The following BMAL1 variants were observed in gnomAD, a reference collection of about 807,000 sequenced individuals.
BMAL1 encodes the protein basic helix-loop-helix ARNT-like protein 1.
chr11:13,292,526 G>A, the BMAL1 span, among the ~76,000 whole-genome samples: 10 of 148,294 alleles, frequency 6.7e-5, no homozygotes, highest in South Asian at 8.6e-4. Flanking sequence ...CAGCCTGGGC[G>A]ACAGAGCGAG....
chr11:13,376,726 A>G, the BMAL1 span: 20 of 1,613,256 alleles, frequency 1.2e-5, no homozygotes, highest in Non-Finnish European at 8.5e-7. Flanking sequence ...CCCTCTGGAG[A>G]AGGTAACTAT....
chr11:13,344,936 G>C, the BMAL1 span, among the ~76,000 whole-genome samples: 1 of 152,250 alleles, frequency 6.6e-6, no homozygotes, highest in Non-Finnish European at 1.5e-5. Flanking sequence ...CTCAGGGCCA[G>C]CTCCCTGTAG....
the BMAL1 span, among the ~76,000 whole-genome samples, chr11:13,279,501 G>A: frequency 2.0e-5 from 3 of 152,244 alleles, no homozygotes; most frequent in Admixed American, 1.3e-4. Flanking sequence ...TAATGTACCC[G>A]TTGAATCATG....
chr11:13,339,959 T>G, the BMAL1 span, among the ~76,000 whole-genome samples: 1 of 152,184 alleles, frequency 6.6e-6, no homozygotes, highest in Non-Finnish European at 1.5e-5. Context: ...ATGCCCTCAG[T>G]AAATATTTGT....
At chr11:13,289,896 C>A in the BMAL1 span, among the ~76,000 whole-genome samples, 1 of 152,108 alleles carries the variant, frequency 6.6e-6, no homozygotes, top group Non-Finnish European at 1.5e-5. Flanking sequence ...GGGTATATAC[C>A]CAGTAATGGG....
chr11:13,354,528 T>C, the BMAL1 span: 4 of 1,531,120 alleles, frequency 2.6e-6, no homozygotes, highest in East Asian at 9.2e-5. Context: ...AGCCAGCTAC[T>C]GTTTCATCCT....
At chr11:13,290,559 A>ATGTTATTGTTAT in the BMAL1 span, among the ~76,000 whole-genome samples, 920 of 149,054 alleles carry the variant, frequency 6.2e-3, 13 homozygotes, top group African/African-American at 0.021. Flanking sequence ...ACAAGTGTAT[A>ATGTTATTGTTAT]TATTATTATT....
the BMAL1 span, chr11:13,353,148 A>T: frequency 6.6e-6 from 1 of 152,220 alleles, no homozygotes; most frequent in African/African-American, 2.4e-5. Context: ...CCCAAGTAAG[A>T]CTTACAGTGG....
chr11:13,278,705 C>G, the BMAL1 span, among the ~76,000 whole-genome samples: 93,775 of 152,150 alleles, frequency 0.62, 29,864 homozygotes, highest in Non-Finnish European at 0.7. Flanking sequence ...GCGCGTCGGC[C>G]TGGGGATGTC....
the BMAL1 span, chr11:13,374,078 C>T: frequency 7.5e-6 from 12 of 1,605,118 alleles, no homozygotes; most frequent in Non-Finnish European, 1.0e-5. Flanking sequence ...TTTAAATATT[C>T]CTTTATTCCC....
At chr11:13,366,736 C>G in the BMAL1 span, 7 of 1,614,010 alleles carry the variant, frequency 4.3e-6, no homozygotes, top group Admixed American at 1.7e-5. Flanking sequence ...AGGAGCAGCT[C>G]TCCTCCTCTG....
At chr11:13,378,298 A>G in the BMAL1 span, 2 of 1,546,254 alleles carry the variant, frequency 1.3e-6, no homozygotes, top group African/African-American at 1.4e-5. Context: ...TTTCTTCCTC[A>G]GTTTTCCCCT....
chr11:13,316,953 G>A, the BMAL1 span, among the ~76,000 whole-genome samples: 1 of 152,108 alleles, frequency 6.6e-6, no homozygotes, highest in Non-Finnish European at 1.5e-5. Flanking sequence ...TCTGTCTAGC[G>A]TTGTGACTTA....
At chr11:13,361,867 A>G in the BMAL1 span, among the ~76,000 whole-genome samples, 11 of 126,400 alleles carry the variant, frequency 8.7e-5, no homozygotes, top group South Asian at 2.7e-3. Flanking sequence ...CTGTAAAAAC[A>G]GGGGTAAATG....
the BMAL1 span, among the ~76,000 whole-genome samples, chr11:13,287,508 GT>G: frequency 6.6e-6 from 1 of 152,176 alleles, no homozygotes; most frequent in African/African-American, 2.4e-5. Context: ...AACAGTGTCT[GT>G]ACAGAAAAGT....
the BMAL1 span, among the ~76,000 whole-genome samples, chr11:13,340,423 A>G: frequency 6.6e-6 from 1 of 152,338 alleles, no homozygotes; most frequent in African/African-American, 2.4e-5. Context: ...TGTTATTCAT[A>G]TCCCACTGAC....
the BMAL1 span, among the ~76,000 whole-genome samples, chr11:13,325,119 AG>A: frequency 2.3e-4 from 35 of 152,326 alleles, no homozygotes; most frequent in Middle Eastern, 3.4e-3. Context: ...GAAAAGCAGG[AG>A]GGGACGAACT....
At chr11:13,375,603 C>T in the BMAL1 span, 4 of 1,555,286 alleles carry the variant, frequency 2.6e-6, no homozygotes, top group Non-Finnish European at 3.5e-6. Context: ...GTTTTCTTTA[C>T]ATTTTCAGTT....
chr11:13,333,530 C>T, the BMAL1 span, among the ~76,000 whole-genome samples: 8 of 152,198 alleles, frequency 5.3e-5, no homozygotes, highest in African/African-American at 1.7e-4. Context: ...TGATCAGCCA[C>T]ACCCTGGCTA....
Sources: allele counts gnomAD v4.1 joint callset (sites outside exome capture counted in the v4.1 genomes callset), GRCh38; gene constraint gnomAD v4.1.1; transcripts MANE v1.5; gene names NCBI Gene and HGNC (gene_info 2026-07-23, HGNC 2026-07-21).